OTUD7A: variants seen among roughly 807,000 people sequenced by gnomAD.
OTUD7A encodes OTU domain-containing protein 7A.
In OTUD7A, 12 loss-of-function variants were observed where a neutral mutation model predicts 65.7. The ratio of observed to expected loss-of-function variants is 0.18; its 90% CI spans 0.12 to 0.30. The LOEUF (loss-of-function observed/expected upper bound fraction) is 0.30. Among genes scored for constraint, OTUD7A ranks in the 10% least tolerant of loss-of-function variants. The pLI is 1.00. For synonymous variants in OTUD7A, 641 were observed against 586.3 expected (o/e 1.09, Z -1.35); for missense variants, 1,148 against 1,304.8 (o/e 0.88, Z 1.85).
In OTUD7A at chr15:31,604,117, T is replaced by C. The variant is rs914686822; in HGVS notation, c.152-33920A>G. Among the ~76,000 whole-genome samples, 8 of 152,192 alleles carry C rather than the reference T, an allele frequency of 5.3e-5. 1 individual carries two copies. Among genetic ancestry groups the C allele is most frequent in the Middle Eastern group, 3.2e-3 (1 of 316 alleles). On this transcript the variant is annotated intron_variant, in intron 3 of 12. Transcript: ENST00000307050. Reference sequence around the variant, plus strand: ...GGGTATATACCCAAAGGATTATAAATCATTCTACTATAAAGACACATGGAC... The same window carrying C: ...GGGTATATACCCAAAGGATTATAAACCATTCTACTATAAAGACACATGGAC...
Position 31,548,020 on chromosome 15 carries a change from G to A in OTUD7A, c.550+10949C>T, listed in dbSNP as rs554121152. Reference sequence around the variant, plus strand: ...TGCCGCAAGGTAGGCTTCTTGCCACGCTTGGTCTGAAGTCTCCTGGGCTTG... The same window carrying A: ...TGCCGCAAGGTAGGCTTCTTGCCACACTTGGTCTGAAGTCTCCTGGGCTTG... On this transcript the variant is annotated intron_variant, in intron 5 of 12. Transcript: ENST00000307050. 8.5e-5 allele frequency among the ~76,000 whole-genome samples: 13 copies of A among 152,304 alleles called. No individual in the cohort carries two copies. The East Asian group carries it at 1.4e-3, about 16-fold the overall frequency.
At chr15:31,714,273 C>A (rs1321142511) in intron 1 of OTUD7A, among the ~76,000 whole-genome samples, 1 of 152,190 alleles carries the variant, frequency 6.6e-6, no homozygotes, top group Non-Finnish European at 1.5e-5. Flanking sequence ...TATACTCACA[C>A]ACGGACAAAT....
At chr15:31,641,025 C>T (rs1015591901) in intron 3 of OTUD7A, among the ~76,000 whole-genome samples, 2 of 152,088 alleles carry the variant, frequency 1.3e-5, no homozygotes, top group African/African-American at 4.8e-5. Flanking sequence ...CTCTATGTCC[C>T]CACCCAAATC....
At chr15:31,805,451 C>A (rs372095488) in intron 1 of OTUD7A, among the ~76,000 whole-genome samples, 1 of 152,306 alleles carries the variant, frequency 6.6e-6, no homozygotes, top group East Asian at 1.9e-4. Flanking sequence ...AAGGGCCTGA[C>A]GCGTGAACCC....
intron 1 of OTUD7A, among the ~76,000 whole-genome samples, chr15:31,679,223 T>G (rs922555815): frequency 1.3e-5 from 2 of 152,232 alleles, no homozygotes; most frequent in African/African-American, 4.8e-5. Context: ...TAATTTGCTT[T>G]TGACTTTACA....
At chr15:31,592,752 CGCCTGTAGTCCCA>C (rs1039856525) in intron 3 of OTUD7A, among the ~76,000 whole-genome samples, 1 of 149,894 alleles carries the variant, frequency 6.7e-6, no homozygotes, top group African/African-American at 2.5e-5. Context: ...TGGTGATGAG[CGCCTGTAGTCCCA>C]GCTACTTGCA....
At chr15:31,587,566 A>AG (rs1889583907) in intron 3 of OTUD7A, among the ~76,000 whole-genome samples, 1 of 151,020 alleles carries the variant, frequency 6.6e-6, no homozygotes, top group Non-Finnish European at 1.5e-5. Flanking sequence ...GCTTGAACCC[A>AG]GGGGGAGAGG....
rs566262254 is a variant in OTUD7A, at chr15:31,510,907, T to C, written c.894-7089A>G. Reference sequence around the variant, plus strand: ...TATATGTATATCTATATGTAACATATATGTATATCTATATGTAACATATAT... The same window carrying C: ...TATATGTATATCTATATGTAACATACATGTATATCTATATGTAACATATAT... On this transcript the variant is annotated intron_variant, in intron 8 of 12. Transcript: ENST00000307050. 3.1e-3 allele frequency among the ~76,000 whole-genome samples: 117 copies of C among 37,434 alleles called. 31 individuals are homozygous for C. The highest frequency in any genetic ancestry group is 4.5e-3 in the African/African-American group (20 of 4,494). The allele number at this position is 37,434 out of a possible 152,430, so 24.6% of individuals were successfully genotyped here. A position where few individuals can be genotyped will look rare whatever the true frequency, so the allele number is the denominator to read the frequency against.
At chr15:31,610,606 TATA>T (rs1566942790) in intron 3 of OTUD7A, among the ~76,000 whole-genome samples, 6 of 46,766 alleles carry the variant, frequency 1.3e-4, no homozygotes, top group Non-Finnish European at 2.4e-4. Context: ...TATATATATA[TATA>T]TATATATATT....
rs398026753 is a variant in OTUD7A at position 31,564,387 on chromosome 15, G to GTT, written c.332-5202_332-5201dup. Among the ~76,000 whole-genome samples, 50 of 119,898 alleles carry GTT rather than the reference G, an allele frequency of 4.2e-4. 4 individuals carry two copies. In the South Asian group the frequency reaches 9.7e-3, roughly 23 times the overall value. The allele number at this position is 119,898 out of a possible 152,430, so 78.7% of individuals were successfully genotyped here. A position where few individuals can be genotyped will look rare whatever the true frequency, so the allele number is the denominator to read the frequency against. ...TTTTTGGAAGTAGTCTTTGAGGAAG[G>GTT]TTTTTTTTTTTTTAGCAAAAGAGAA... On this transcript the variant is annotated intron_variant, in intron 4 of 12. Coordinates refer to ENST00000307050, the MANE Select transcript of OTUD7A (RefSeq NM_001382637.1).
chr15:31,586,557 T>C (rs1595630742), intron 3 of OTUD7A, among the ~76,000 whole-genome samples: 2 of 152,182 alleles, frequency 1.3e-5, no homozygotes, highest in Non-Finnish European at 2.9e-5. Context: ...TGCCTCCTCT[T>C]TGAGTCCCAG....
chr15:31,566,019 T>C (rs544710974), intron 4 of OTUD7A, among the ~76,000 whole-genome samples: 55 of 152,052 alleles, frequency 3.6e-4, no homozygotes, highest in East Asian at 1.9e-4. Flanking sequence ...GGTGAAACCT[T>C]GTCTCTACTA....
chr15:31,866,823 T>C (rs1480256229), intron 1 of OTUD7A, among the ~76,000 whole-genome samples: 1 of 152,212 alleles, frequency 6.6e-6, no homozygotes, highest in Non-Finnish European at 1.5e-5. Flanking sequence ...TCACTAAAGC[T>C]GAAAAACATG....
chr15:31,736,367 G>A (rs1566995337), intron 1 of OTUD7A, among the ~76,000 whole-genome samples: 1 of 152,174 alleles, frequency 6.6e-6, no homozygotes, highest in Non-Finnish European at 1.5e-5. Flanking sequence ...ATGGGACTCA[G>A]CATATTACTC....
chr15:31,598,007 G>C (rs1427080126), intron 3 of OTUD7A, among the ~76,000 whole-genome samples: 2 of 152,128 alleles, frequency 1.3e-5, no homozygotes, highest in African/African-American at 2.4e-5. Context: ...GGCCAGGGCT[G>C]AGATGGGCTG....
chr15:31,869,077 T>TA lies in OTUD7A; in HGVS notation c.-100+1429dup, dbSNP rs796708320. ...ATCCTTTCGATATGATAGGCTTGAG[T>TA]AGATACTCAGATTGCCTTGGGAACT... is the stretch of plus-strand genomic sequence containing the variant. On this transcript the variant is annotated intron_variant, in intron 1 of 12. Coordinates refer to ENST00000307050, the MANE Select transcript of OTUD7A (RefSeq NM_001382637.1). Among the ~76,000 whole-genome samples the TA allele has an allele frequency of 5.8e-4, 89 of 152,356 alleles. 1 individual carries two copies. The highest frequency in any genetic ancestry group is 3.4e-3 in the Middle Eastern group (1 of 294).
At position 31,484,677 on chromosome 15, in the gene OTUD7A, G is replaced by A. The variant is rs776708470; in HGVS notation, c.1419C>T (p.Asp473=). 115 of 1,582,026 alleles carry A rather than the reference G, an allele frequency of 7.3e-5. 2 individuals are homozygous for A. In the Admixed American group the frequency reaches 2.0e-3, roughly 27 times the overall value. ...CCAGCGAGTCGGCCAGGGACTGCAC[G>A]TCCTCCCCTGCCGAGGCCGTGGGAG... is the stretch of plus-strand genomic sequence containing the variant. ...PESPTASAGE[D]VQSLADSLDS... Residue 473 remains aspartate, a synonymous_variant, in exon 13 of 13, where the codon GAC becomes GAT. Coordinates refer to ENST00000307050, the MANE Select transcript of OTUD7A (RefSeq NM_001382637.1). The surrounding 1 kb of genome is among the most constrained non-coding windows in gnomAD (Gnocchi z 4.5).
intron 1 of OTUD7A, among the ~76,000 whole-genome samples, chr15:31,837,881 T>C (rs937996796): frequency 6.6e-6 from 1 of 152,226 alleles, no homozygotes; most frequent in African/African-American, 2.4e-5. Context: ...TTAAGGCTTA[T>C]TAAGTAACTA....
intron 1 of OTUD7A, among the ~76,000 whole-genome samples, chr15:31,847,572 G>T (rs752543343): frequency 6.6e-6 from 1 of 152,178 alleles, no homozygotes; most frequent in Admixed American, 6.5e-5. Context: ...AGGCATAAGG[G>T]TTTGCAACAC....
Sources: gnomAD v4.1 joint callset for allele counts (sites outside exome capture counted in the v4.1 genomes callset) on GRCh38, gnomAD v4.1.1 for gene constraint, Gnocchi (gnomAD v3.1) non-coding constraint, MANE v1.5 for transcripts, NCBI Gene and HGNC (gene_info 2026-07-23, HGNC 2026-07-21) for gene names.